The following TJP1 variants were observed in gnomAD, a reference collection of about 807,000 sequenced individuals.
The protein encoded by TJP1 is tight junction protein ZO-1.
Under a neutral mutation model 194.2 loss-of-function variants are expected in TJP1, and 43 were observed. That is an observed-to-expected ratio of 0.22 (90% CI 0.17 to 0.29). The LOEUF (loss-of-function observed/expected upper bound fraction) is 0.29. Ranked by LOEUF, TJP1 falls within the 10% of genes least tolerant of loss-of-function variation. The pLI is 1.00. For missense variants in TJP1, 1,971 were observed against 2,185.7 expected (o/e 0.90, Z 1.96); for synonymous variants, 801 against 779.0 (o/e 1.03, Z -0.47).
chr15:29,871,925 G>A (rs1226126965), intron 2 of TJP1, among the ~76,000 whole-genome samples: 11 of 152,314 alleles, frequency 7.2e-5, no homozygotes, highest in African/African-American at 2.4e-4. Context: ...ATTACAGAGC[G>A]CCTATGCCTC....
intron 2 of TJP1, among the ~76,000 whole-genome samples, chr15:29,946,736 T>C (rs2055297139): frequency 6.6e-6 from 1 of 152,246 alleles, no homozygotes; most frequent in African/African-American, 2.4e-5. Context: ...ATTCATTCAT[T>C]TGACAAATAT....
At chr15:29,721,129 A>C (rs763413947) in intron 18 of TJP1, among the ~76,000 whole-genome samples, 18 of 152,248 alleles carry the variant, frequency 1.2e-4, no homozygotes, top group Non-Finnish European at 2.1e-4. Flanking sequence ...ATACCTATGA[A>C]ATAAACCCAA....
Position 29,708,787 on chromosome 15 carries a change from C to G in TJP1, c.4622G>C (p.Arg1541Pro). The G allele has an allele frequency of 6.2e-7, 1 of 1,614,194 alleles. No homozygotes were observed. Among genetic ancestry groups the G allele is most frequent in the Non-Finnish European group, 8.5e-7 (1 of 1,180,038 alleles). ...ATTGAATTTAGGACTTTCAAACTTG[C>G]GTTCAAATGGTCGGGCAGAACTTGT... ...PYTSSARPFE[R>P]KFESPKFNHN... The change falls in exon 25 of 28, where the codon CGC becomes CCC. Residue 1541 changes from arginine to proline, a missense_variant. Arg to Pro is a moderately radical substitution (Grantham distance 103, BLOSUM62 -2). Transcript: ENST00000614355.
intron 2 of TJP1, among the ~76,000 whole-genome samples, chr15:29,788,013 G>A (rs1438676046): frequency 6.6e-6 from 1 of 152,184 alleles, no homozygotes; most frequent in Admixed American, 6.5e-5. Context: ...CCTAGTGGGT[G>A]TGAAGGGGTA....
At chr15:29,715,815 A>C (rs2042528937) in intron 23 of TJP1, among the ~76,000 whole-genome samples, 1 of 152,136 alleles carries the variant, frequency 6.6e-6, no homozygotes, top group Admixed American at 6.5e-5. Context: ...TGCCCTCTGA[A>C]ATAGGACTTG....
chr15:29,948,512 T>A (rs1443868217), intron 2 of TJP1, among the ~76,000 whole-genome samples: 1 of 152,030 alleles, frequency 6.6e-6, no homozygotes, highest in African/African-American at 2.4e-5. Flanking sequence ...GAGACAGAAA[T>A]GAGAAGTAGG....
Position 29,933,754 on chromosome 15 carries a change from A to C in TJP1, c.306+22478T>G, listed in dbSNP as rs149772076. On this transcript the variant is annotated intron_variant, in intron 2 of 28. Transcript: ENST00000356107. ...GAGAAGCCCAGTATACTGAAAGACT[A>C]AAGATGCTGGGAAGAGAGAAGTAAA... is the stretch of plus-strand genomic sequence containing the variant. 2.2e-3 allele frequency among the ~76,000 whole-genome samples: 332 copies of C among 152,310 alleles called. 3 individuals carry two copies. The highest frequency in any genetic ancestry group is 7.1e-3 in the African/African-American group (296 of 41,578).
At chr15:29,749,598 ACT>A (rs1310497378) in intron 8 of TJP1, among the ~76,000 whole-genome samples, 1 of 151,822 alleles carries the variant, frequency 6.6e-6, no homozygotes. Context: ...TGCTCCAGAG[ACT>A]CTCTCAAACG....
intron 2 of TJP1, among the ~76,000 whole-genome samples, chr15:29,927,212 C>T (rs1201277602): frequency 2.0e-5 from 3 of 152,028 alleles, no homozygotes; most frequent in African/African-American, 7.2e-5. Context: ...CCCAGCTATT[C>T]AGGAGGCTGA....
chr15:29,837,021 T>C (rs1212483973), intron 2 of TJP1, among the ~76,000 whole-genome samples: 1 of 152,212 alleles, frequency 6.6e-6, no homozygotes, highest in Non-Finnish European at 1.5e-5. Context: ...TATTTTGCTA[T>C]AGCAACACAA....
At chr15:29,780,174 T>C (rs1057292088) in intron 2 of TJP1, among the ~76,000 whole-genome samples, 1 of 152,130 alleles carries the variant, frequency 6.6e-6, no homozygotes, top group Non-Finnish European at 1.5e-5. Context: ...ACATTACATT[T>C]ATTGTGTACT....
intron 2 of TJP1, among the ~76,000 whole-genome samples, chr15:29,950,300 TCCACCA>T (rs368316029): frequency 1.5e-5 from 2 of 130,636 alleles, no homozygotes; most frequent in Non-Finnish European, 3.3e-5. Context: ...CACCGCTACC[TCCACCA>T]CCACCACCTC....
chr15:29,726,019 T>G (rs994525527), intron 18 of TJP1, among the ~76,000 whole-genome samples: 1 of 152,154 alleles, frequency 6.6e-6, no homozygotes, highest in Non-Finnish European at 1.5e-5. Context: ...GATGCTCATC[T>G]AGGCCATCCA....
chr15:29,748,172 T>G (rs1198269423), intron 8 of TJP1, among the ~76,000 whole-genome samples: 3 of 152,238 alleles, frequency 2.0e-5, no homozygotes, highest in African/African-American at 7.2e-5. Context: ...AATCAATTTA[T>G]AAATTTTATT....
Position 29,708,874 on chromosome 15 carries a change from C to G in TJP1, c.4535G>C (p.Gly1512Ala), listed in dbSNP as rs1367850218. 1 of 1,613,950 alleles carries G rather than the reference C, an allele frequency of 6.2e-7. No homozygotes were observed. The highest frequency in any genetic ancestry group is 1.3e-5 in the African/African-American group (1 of 74,880). The change falls in exon 25 of 28, where the codon GGA becomes GCA. Residue 1512 changes from glycine to alanine, a missense_variant. Gly to Ala is a moderately conservative substitution (Grantham distance 60). Coordinates refer to ENST00000614355, the MANE Select transcript of TJP1 (RefSeq NM_001330239.4). Reference protein sequence around the residue: ...KSFPDKAPVNGTEQTQKTVTP... With the variant: ...KSFPDKAPVNATEQTQKTVTP... The stretch of plus-strand genomic sequence containing the variant: ...GACTGTTTTCTGAGTCTGTTCAGTT[C>G]CATTAACTGGGGCTTTATCTGGAAA...
chr15:29,706,926 A>T (rs2041935247), intron 25 of TJP1, among the ~76,000 whole-genome samples: 1 of 152,062 alleles, frequency 6.6e-6, no homozygotes, highest in Non-Finnish European at 1.5e-5. Flanking sequence ...AAGTGCTGGG[A>T]TTAGAGGCAT....
At chr15:29,714,759 T>C (rs1248488396) in intron 23 of TJP1, among the ~76,000 whole-genome samples, 1 of 151,564 alleles carries the variant, frequency 6.6e-6, no homozygotes, top group Non-Finnish European at 1.5e-5. Context: ...GCCAGGATGG[T>C]CTCGATCTCC....
chr15:29,953,977 CAACTT>C (rs1472141457), intron 2 of TJP1, among the ~76,000 whole-genome samples: 1 of 152,198 alleles, frequency 6.6e-6, no homozygotes, highest in Non-Finnish European at 1.5e-5. Flanking sequence ...CTGTGAACCT[CAACTT>C]TTCCTCTCTT....
At chr15:29,946,159 G>A (rs541234876) in intron 2 of TJP1, among the ~76,000 whole-genome samples, 29 of 152,330 alleles carry the variant, frequency 1.9e-4, no homozygotes, top group South Asian at 4.1e-4. Flanking sequence ...AGGTCTCCAC[G>A]AGTTGACACT....
Sources: allele counts gnomAD v4.1 joint callset (sites outside exome capture counted in the v4.1 genomes callset), GRCh38; gene constraint gnomAD v4.1.1; transcripts MANE v1.5; gene names NCBI Gene and HGNC (gene_info 2026-07-23, HGNC 2026-07-21).